The following NDNF variants were observed in gnomAD, a reference collection of about 807,000 sequenced individuals.
The protein encoded by NDNF is protein NDNF.
A neutral mutation model predicts 42.0 loss-of-function variants in NDNF; 16 were observed. The ratio of observed to expected loss-of-function variants is 0.38; its 90% CI spans 0.26 to 0.58. The LOEUF (loss-of-function observed/expected upper bound fraction) is 0.58, where lower values mean the gene tolerates loss of function less well. NDNF is among the 20% of genes least tolerant of loss of function. The probability of loss-of-function intolerance (pLI) is 0.67; values close to 1 mark genes in which losing one functional copy is unlikely to be tolerated. For synonymous variants in NDNF, 248 were observed against 251.7 expected, an observed-to-expected ratio of 0.99 and a Z score of 0.14; for missense variants, 616 against 666.2, an observed-to-expected ratio of 0.92 and a Z score of 0.83.
rs1196220007 is a variant in NDNF, at chr4:121,036,232, G to A, written c.*32C>T. On this transcript the variant is annotated 3_prime_UTR_variant, in exon 4 of 4. Transcript: ENST00000379692. The stretch of plus-strand genomic sequence containing the variant: ...AAAGTGATTTAATGTCCCTCCTGGA[G>A]TTCTACATAATATATCTCTATAAGA... The A allele has an allele frequency of 6.6e-7, 1 of 1,519,090 alleles. No individual in the cohort carries two copies. The highest frequency in any genetic ancestry group is 2.1e-5 in the Admixed American group (1 of 47,360). 94.1% of individuals were successfully genotyped at this position (1,519,090 alleles called of 1,614,324 possible).
In NDNF at chr4:121,036,888, C is replaced by A. The variant is rs772059769; in HGVS notation, c.1083G>T (p.Lys361Asn). The change falls in exon 4 of 4, where the codon AAG (lysine) becomes AAT (asparagine). Residue 361 changes from lysine (K) to asparagine (N), a missense_variant. Coordinates refer to ENST00000379692, the MANE Select transcript of NDNF (RefSeq NM_024574.4). The part of the protein sequence containing the change: ...TDVFVKRKGA[K>N]FLRFAPVSSH... Reference sequence around the variant, plus strand: ...AAGAGACTGGAGCAAACCGTAGAAACTTTGCTCCCTTCCTTTTAACAAATA... The same window carrying A: ...AAGAGACTGGAGCAAACCGTAGAAAATTTGCTCCCTTCCTTTTAACAAATA... 6.2e-7 allele frequency: 1 copy of A among 1,614,006 alleles called. No individual in the cohort carries two copies. The highest frequency in any genetic ancestry group is 1.3e-5 in the African/African-American group (1 of 75,002).
chr4:121,066,752 A>G (rs1049510495), intron 1 of NDNF, among the ~76,000 whole-genome samples: 1 of 152,256 alleles, frequency 6.6e-6, no homozygotes. Flanking sequence ...ACATCTGTGT[A>G]TATAACAGCA....
chr4:121,041,514 A>G (rs1262352086), intron 2 of NDNF, among the ~76,000 whole-genome samples: 5 of 152,042 alleles, frequency 3.3e-5, no homozygotes, highest in Non-Finnish European at 5.9e-5. Context: ...TTTTCTACCT[A>G]TGCTCACTCC....
intron 1 of NDNF, among the ~76,000 whole-genome samples, chr4:121,071,007 A>G (rs1218349731): frequency 6.6e-6 from 1 of 152,222 alleles, no homozygotes; most frequent in East Asian, 1.9e-4. Flanking sequence ...GGGTGCGGGC[A>G]GAAAGGTGAA....
chr4:121,044,140 T>C (rs1727050194), intron 2 of NDNF, among the ~76,000 whole-genome samples: 1 of 152,184 alleles, frequency 6.6e-6, no homozygotes, highest in Admixed American at 6.5e-5. Context: ...ATCCGAACAA[T>C]AGTTCACTCT....
chr4:121,040,081 C>T lies in NDNF; in HGVS notation c.189-27G>A, dbSNP rs1291721669. 14 of 1,594,190 alleles carry T rather than the reference C, an allele frequency of 8.8e-6. 1 individual carries two copies. Among genetic ancestry groups the T allele is most frequent in the South Asian group, 5.8e-5 (5 of 86,918 alleles). On this transcript the variant is annotated intron_variant, in intron 2 of 3. Coordinates refer to ENST00000379692, the MANE Select transcript of NDNF (RefSeq NM_024574.4). Reference sequence around the variant, plus strand: ...TGTGGGAAAGTGGACCACTTTAGACCGTGGTAATTCTTTCTAACATTTACA... The same window carrying T: ...TGTGGGAAAGTGGACCACTTTAGACTGTGGTAATTCTTTCTAACATTTACA...
chr4:121,042,724 A>G (rs931053260), intron 2 of NDNF, among the ~76,000 whole-genome samples: 3 of 152,200 alleles, frequency 2.0e-5, no homozygotes, highest in Non-Finnish European at 2.9e-5. Context: ...TTGGCATCAT[A>G]TAAGTAAAAG....
At chr4:121,070,475 C>T (rs924248203) in intron 1 of NDNF, among the ~76,000 whole-genome samples, 10 of 152,022 alleles carry the variant, frequency 6.6e-5, no homozygotes, top group Non-Finnish European at 1.5e-4. Flanking sequence ...CTGGTTCTCA[C>T]AGGCGCTCAG....
chr4:121,071,662 CT>C (rs1474207031), intron 1 of NDNF: 1 of 152,636 alleles, frequency 6.6e-6, no homozygotes, highest in African/African-American at 2.4e-5. Context: ...GGTCCCAGGT[CT>C]TCCCCGCCCT....
At chr4:121,065,704 G>T (rs1288903708) in intron 1 of NDNF, among the ~76,000 whole-genome samples, 1 of 139,710 alleles carries the variant, frequency 7.2e-6, no homozygotes, top group Non-Finnish European at 1.6e-5. Flanking sequence ...ACTTTTATGT[G>T]TAAAGAATGA....
chr4:121,056,199 G>A (rs1173933996), intron 1 of NDNF, among the ~76,000 whole-genome samples: 1 of 152,152 alleles, frequency 6.6e-6, no homozygotes, highest in African/African-American at 2.4e-5. Flanking sequence ...GAATTCTAAA[G>A]GCAATGGAAT....
chr4:121,066,035 C>T (rs953748617), intron 1 of NDNF, among the ~76,000 whole-genome samples: 44 of 151,702 alleles, frequency 2.9e-4, no homozygotes, highest in African/African-American at 1.1e-3. Context: ...CCTGAGAGGC[C>T]CTGGGAGCAG....
intron 1 of NDNF, among the ~76,000 whole-genome samples, chr4:121,052,849 C>T (rs1195612154): frequency 6.6e-6 from 1 of 152,098 alleles, no homozygotes; most frequent in Admixed American, 6.6e-5. Context: ...CTTAAAAATC[C>T]AAATCTGTTA....
Position 121,035,955 on chromosome 4 carries a change from A to G in NDNF, c.*309T>C. On this transcript the variant is annotated 3_prime_UTR_variant, in exon 4 of 4. Coordinates refer to ENST00000379692, the MANE Select transcript of NDNF (RefSeq NM_024574.4). ...AATGAATGGCATATTTTAAATTTTT[A>G]GGTAATAAAATAATTTAGAAGCAGT... The G allele has an allele frequency of 4.2e-6, 1 of 235,340 alleles. No homozygotes were observed. Among genetic ancestry groups the G allele is most frequent in the Non-Finnish European group, 8.2e-6 (1 of 121,740 alleles). 14.6% of individuals were successfully genotyped at this position (235,340 alleles called of 1,614,324 possible).
rs1402443845 is a variant in NDNF at position 121,036,189 on chromosome 4, A to G, written c.*75T>C. ...GGTCACAACTTCTCTCAACTGTGGGAGTAGTCAGTTTATACTTAAAGTGAT... is the reference window on the plus strand; with the variant it reads ...GGTCACAACTTCTCTCAACTGTGGGGGTAGTCAGTTTATACTTAAAGTGAT... On this transcript the variant is annotated 3_prime_UTR_variant, in exon 4 of 4. Transcript: ENST00000379692. 5.3e-5 allele frequency: 62 copies of G among 1,176,090 alleles called. No homozygotes were observed. The highest frequency in any genetic ancestry group is 6.9e-5 in the Non-Finnish European group (57 of 825,796). 72.9% of individuals were successfully genotyped at this position (1,176,090 alleles called of 1,614,324 possible).
chr4:121,060,772 G>T (rs1727391487), intron 1 of NDNF, among the ~76,000 whole-genome samples: 1 of 152,062 alleles, frequency 6.6e-6, no homozygotes, highest in South Asian at 2.1e-4. Context: ...AATATCTGAT[G>T]GTCTGGAAGC....
At chr4:121,038,498 A>T (rs1305612397) in intron 3 of NDNF, among the ~76,000 whole-genome samples, 1 of 152,212 alleles carries the variant, frequency 6.6e-6, no homozygotes, top group East Asian at 1.9e-4. Context: ...AATTTTTTCC[A>T]TATTTTGTTA....
At chr4:121,044,645 T>C (rs1254536559) in intron 2 of NDNF, among the ~76,000 whole-genome samples, 2 of 152,152 alleles carry the variant, frequency 1.3e-5, no homozygotes, top group Non-Finnish European at 2.9e-5. Flanking sequence ...AATATGATAA[T>C]ATTTGTTGAA....
chr4:121,049,725 G>A (rs2148766772), intron 1 of NDNF, among the ~76,000 whole-genome samples: 1 of 152,194 alleles, frequency 6.6e-6, no homozygotes. Context: ...ATCACCAATA[G>A]ATAATGGACT....
Sources: gnomAD v4.1 joint callset for allele counts (sites outside exome capture counted in the v4.1 genomes callset) on GRCh38, gnomAD v4.1.1 for gene constraint, MANE v1.5 for transcripts, NCBI Gene and HGNC (gene_info 2026-07-23, HGNC 2026-07-21) for gene names.